Variants in SLC9A9 observed in about 807,000 individuals in gnomAD.
The protein encoded by SLC9A9 is sodium/hydrogen exchanger 9.
A neutral mutation model predicts 77.8 loss-of-function variants in SLC9A9; 62 were observed. The ratio of observed to expected loss-of-function variants is 0.80; its 90% CI spans 0.65 to 0.98. The LOEUF (loss-of-function observed/expected upper bound fraction) is 0.98. Among genes scored for constraint, SLC9A9 ranks in the 50% least tolerant of loss-of-function variants. The pLI is 0.00. For synonymous variants in SLC9A9, 320 were observed against 283.5 expected, an observed-to-expected ratio of 1.13 and a Z score of -1.29; for missense variants, 775 against 774.9, an observed-to-expected ratio of 1.00 and a Z score of 0.00.
chr3:143,639,845 T>C (rs899774296), intron 6 of SLC9A9, among the ~76,000 whole-genome samples: 1 of 152,124 alleles, frequency 6.6e-6, no homozygotes, highest in Admixed American at 6.5e-5. Flanking sequence ...TTTTATCATA[T>C]GGTGTTTGGG....
intron 4 of SLC9A9, among the ~76,000 whole-genome samples, chr3:143,699,995 C>A (rs1253447937): frequency 2.6e-5 from 4 of 151,870 alleles, no homozygotes. Flanking sequence ...GATATCAGCA[C>A]AGCCACAGTA....
chr3:143,666,731 AC>A (rs1386345381), intron 5 of SLC9A9, among the ~76,000 whole-genome samples: 1 of 152,212 alleles, frequency 6.6e-6, no homozygotes, highest in African/African-American at 2.4e-5. Context: ...CCCATTCACA[AC>A]TGCTTCAAAG....
chr3:143,831,939 T>C (rs1354319244), intron 2 of SLC9A9, 80 bp downstream of exon 2: 7 of 1,288,976 alleles, frequency 5.4e-6, no homozygotes, highest in Non-Finnish European at 7.6e-6. Context: ...GAATGCATTA[T>C]ATAAAAAGTA....
At chr3:143,662,497 G>A (rs1286095547) in intron 5 of SLC9A9, among the ~76,000 whole-genome samples, 1 of 152,164 alleles carries the variant, frequency 6.6e-6, no homozygotes, top group East Asian at 1.9e-4. Context: ...AAGCAGGGCG[G>A]GGCATCACCT....
intron 1 of SLC9A9, among the ~76,000 whole-genome samples, chr3:143,845,861 A>G (rs541452921): frequency 1.3e-5 from 2 of 152,332 alleles, no homozygotes; most frequent in African/African-American, 4.8e-5. Flanking sequence ...TTTACATTGC[A>G]CTGGTTCAGA....
chr3:143,806,957 T>A (rs2008733910), intron 2 of SLC9A9, among the ~76,000 whole-genome samples: 1 of 152,236 alleles, frequency 6.6e-6, no homozygotes, highest in Non-Finnish European at 1.5e-5. Flanking sequence ...AAAGCCTCTC[T>A]TGGCTTCATG....
At chr3:143,748,744 C>T (rs59267877) in intron 4 of SLC9A9, among the ~76,000 whole-genome samples, 2,949 of 147,344 alleles carry the variant, frequency 0.02, 97 homozygotes, top group African/African-American at 0.07. Flanking sequence ...TCGCCCAGGC[C>T]GGACTGCGGA....
chr3:143,729,674 G>A (rs2108808929), intron 4 of SLC9A9, among the ~76,000 whole-genome samples: 1 of 152,130 alleles, frequency 6.6e-6, no homozygotes, highest in East Asian at 1.9e-4. Flanking sequence ...CATCACCCCA[G>A]GCTGCTGTAC....
chr3:143,627,568 G>A (rs914420753), intron 6 of SLC9A9: 4 of 319,572 alleles, frequency 1.3e-5, no homozygotes, highest in African/African-American at 4.4e-5. Context: ...TGTAGTCAGC[G>A]GTGGTTCTTT....
chr3:143,842,043 T>G (rs1411959790), intron 1 of SLC9A9, among the ~76,000 whole-genome samples: 3 of 151,358 alleles, frequency 2.0e-5, no homozygotes, highest in African/African-American at 7.3e-5. Context: ...GAGTGAGCCA[T>G]CATGCCTGGC....
chr3:143,606,151 GCACA>G (rs2037917924), intron 6 of SLC9A9, among the ~76,000 whole-genome samples: 1 of 44,726 alleles, frequency 2.2e-5, no homozygotes, highest in African/African-American at 2.0e-4. Context: ...TGTAATCCTA[GCACA>G]GCACGTTGGG....
chr3:143,581,558 CT>C (rs2037454070), intron 6 of SLC9A9, among the ~76,000 whole-genome samples: 1 of 151,400 alleles, frequency 6.6e-6, no homozygotes, highest in South Asian at 2.1e-4. Flanking sequence ...CTTTCTCTTT[CT>C]TTCTTTGCAT....
chr3:143,437,750 C>G (rs1191302836), intron 12 of SLC9A9, among the ~76,000 whole-genome samples: 1 of 152,140 alleles, frequency 6.6e-6, no homozygotes, highest in Non-Finnish European at 1.5e-5. Flanking sequence ...AATTAAAGAC[C>G]TTAGTTACCC....
intron 9 of SLC9A9, among the ~76,000 whole-genome samples, chr3:143,519,278 A>G (rs935549794): frequency 6.6e-6 from 1 of 152,220 alleles, no homozygotes; most frequent in Non-Finnish European, 1.5e-5. Flanking sequence ...CAAAGGTATC[A>G]CTGAAAGGAG....
chr3:143,796,972 A>G lies in SLC9A9; in HGVS notation c.379-69T>C. ...GGGTCATTAAAAAAACATGTTTCAA[A>G]AAACAGTTGTAATTGCTTTTGCTAA... is the stretch of plus-strand genomic sequence containing the variant. On this transcript the variant is annotated intron_variant, in intron 2 of 15. Transcript: ENST00000316549. The G allele has an allele frequency of 2.4e-6, 3 of 1,269,872 alleles. No individual in the cohort carries two copies. In the South Asian group the frequency reaches 3.8e-5, roughly 16 times the overall value. 78.7% of individuals were successfully genotyped at this position (1,269,872 alleles called of 1,614,324 possible). A position where few individuals can be genotyped will look rare whatever the true frequency, so the allele number is the denominator to read the frequency against.
intron 14 of SLC9A9, among the ~76,000 whole-genome samples, chr3:143,280,542 ATTTTTTTTT>A (rs58879877): frequency 5.8e-4 from 69 of 118,158 alleles, no homozygotes; most frequent in African/African-American, 2.1e-3. Flanking sequence ...CTAGAACTAC[ATTTTTTTTT>A]TTTTTTTTTT....
At chr3:143,612,659 G>A (rs2038041534) in intron 6 of SLC9A9, among the ~76,000 whole-genome samples, 1 of 152,196 alleles carries the variant, frequency 6.6e-6, no homozygotes, top group Non-Finnish European at 1.5e-5. Flanking sequence ...CAAAATACCT[G>A]CAACTAGTCT....
chr3:143,785,279 C>A (rs1042178071), intron 4 of SLC9A9, among the ~76,000 whole-genome samples: 4 of 152,178 alleles, frequency 2.6e-5, no homozygotes, highest in African/African-American at 9.7e-5. Context: ...GAGACTGGAC[C>A]TCAAGAGGCC....
At chr3:143,805,167 C>G (rs1398774229) in intron 2 of SLC9A9, among the ~76,000 whole-genome samples, 2 of 152,104 alleles carry the variant, frequency 1.3e-5, no homozygotes, top group Non-Finnish European at 2.9e-5. Context: ...TATTTTTCTC[C>G]TTTATTTGGA....
Sources: gnomAD v4.1 joint callset for allele counts (sites outside exome capture counted in the v4.1 genomes callset) on GRCh38, gnomAD v4.1.1 for gene constraint, MANE v1.5 for transcripts, NCBI Gene and HGNC (gene_info 2026-07-23, HGNC 2026-07-21) for gene names.